The following RBFOX1 variants were observed in gnomAD, a reference collection of about 807,000 sequenced individuals.
RBFOX1 encodes the protein RNA binding protein fox-1 homolog 1.
RBFOX1 carries 8 observed loss-of-function variants against 57.7 expected under a neutral mutation model. That is an observed-to-expected ratio of 0.14 (90% CI 0.08 to 0.25). The LOEUF is 0.25. Ranked by LOEUF, RBFOX1 falls within the 10% of genes least tolerant of loss-of-function variation. RBFOX1 has a pLI of 1.00. For synonymous variants in RBFOX1, 326 were observed against 222.4 expected, an observed-to-expected ratio of 1.47 and a Z score of -4.15; for missense variants, 611 against 548.5, an observed-to-expected ratio of 1.11 and a Z score of -1.14.
intron 4 of RBFOX1, among the ~76,000 whole-genome samples, chr16:5,897,477 G>C (rs2058196126): frequency 6.6e-6 from 1 of 152,140 alleles, no homozygotes; most frequent in African/African-American, 2.4e-5. Context: ...AAACATATGA[G>C]TAGGATCAAT....
intron 4 of RBFOX1, among the ~76,000 whole-genome samples, chr16:7,259,574 A>AG (rs34417924): frequency 3.9e-5 from 6 of 151,974 alleles, no homozygotes; most frequent in African/African-American, 1.2e-4. Context: ...AAAAAAAAAA[A>AG]GGATTAAGAT....
intron 2 of RBFOX1, among the ~76,000 whole-genome samples, chr16:5,565,621 G>C (rs1182958543): frequency 2.4e-5 from 3 of 126,076 alleles, no homozygotes; most frequent in Non-Finnish European, 4.9e-5. Context: ...GCGAAACTCT[G>C]CCTTACATAA....
chr16:7,168,410 C>G (rs190889437), intron 4 of RBFOX1, among the ~76,000 whole-genome samples: 80 of 151,930 alleles, frequency 5.3e-4, no homozygotes, highest in African/African-American at 1.9e-3. Context: ...ACCTCAACAG[C>G]CACATTGTCC....
At chr16:7,046,037 A>G (rs2047817117) in intron 3 of RBFOX1, among the ~76,000 whole-genome samples, 1 of 152,212 alleles carries the variant, frequency 6.6e-6, no homozygotes, top group Non-Finnish European at 1.5e-5. Context: ...GTATTTCTGC[A>G]AGGTACTGAT....
At chr16:7,182,908 G>T (rs1046213684) in intron 4 of RBFOX1, among the ~76,000 whole-genome samples, 1 of 152,078 alleles carries the variant, frequency 6.6e-6, no homozygotes, top group Non-Finnish European at 1.5e-5. Flanking sequence ...ACAATTACAT[G>T]CCCTGGTCAT....
At chr16:5,863,022 G>A (rs906681466) in intron 3 of RBFOX1, among the ~76,000 whole-genome samples, 2 of 152,160 alleles carry the variant, frequency 1.3e-5, no homozygotes, top group African/African-American at 2.4e-5. Flanking sequence ...TCATGTGGCA[G>A]AATCCCTGCC....
chr16:7,181,223 G>C (rs957420469), intron 4 of RBFOX1, among the ~76,000 whole-genome samples: 1 of 152,084 alleles, frequency 6.6e-6, no homozygotes, highest in Non-Finnish European at 1.5e-5. Flanking sequence ...ATGTTAAATA[G>C]GGAAACTGCT....
chr16:7,701,727 G>T (rs1429548189), intron 14 of RBFOX1, among the ~76,000 whole-genome samples: 2 of 151,350 alleles, frequency 1.3e-5, no homozygotes, highest in Non-Finnish European at 3.0e-5. Context: ...TTAAAACTAG[G>T]AGAAGGCTAT....
At chr16:6,272,098 G>C (rs986291332) in intron 1 of RBFOX1, among the ~76,000 whole-genome samples, 1 of 152,064 alleles carries the variant, frequency 6.6e-6, no homozygotes, top group African/African-American at 2.4e-5. Context: ...TTTATACCTT[G>C]ATCACATAGG....
chr16:6,071,342 A>T (rs1398083269), intron 1 of RBFOX1, among the ~76,000 whole-genome samples: 1 of 152,202 alleles, frequency 6.6e-6, no homozygotes, highest in Non-Finnish European at 1.5e-5. Flanking sequence ...GGAAACAAAC[A>T]AAGAAACGGT....
chr16:7,156,054 T>G (rs911354771), intron 4 of RBFOX1, among the ~76,000 whole-genome samples: 6 of 151,912 alleles, frequency 3.9e-5, no homozygotes, highest in Non-Finnish European at 8.8e-5. Context: ...TAGGTATACA[T>G]GTAGATAGAG....
chr16:5,614,196 C>G (rs1373258303), intron 3 of RBFOX1, among the ~76,000 whole-genome samples: 1 of 152,096 alleles, frequency 6.6e-6, no homozygotes, highest in Non-Finnish European at 1.5e-5. Flanking sequence ...ACAGCCTGAG[C>G]CTGACATTTT....
chr16:7,178,445 TA>T (rs2082087161), intron 4 of RBFOX1, among the ~76,000 whole-genome samples: 1 of 152,212 alleles, frequency 6.6e-6, no homozygotes, highest in African/African-American at 2.4e-5. Context: ...TGGATATGGG[TA>T]AACACTAAAT....
intron 3 of RBFOX1, among the ~76,000 whole-genome samples, chr16:5,716,349 C>T (rs988048173): frequency 2.0e-5 from 3 of 152,160 alleles, no homozygotes; most frequent in African/African-American, 7.2e-5. Context: ...TGTTTCATCC[C>T]CCAGGCATTA....
chr16:7,535,756 T>A (rs1400240464), intron 5 of RBFOX1, among the ~76,000 whole-genome samples: 4 of 152,216 alleles, frequency 2.6e-5, no homozygotes, highest in Non-Finnish European at 1.5e-5. Flanking sequence ...ACATGAACAA[T>A]TTTACAACCA....
intron 4 of RBFOX1, among the ~76,000 whole-genome samples, chr16:7,227,063 A>C (rs1160422301): frequency 1.3e-5 from 2 of 152,076 alleles, no homozygotes; most frequent in African/African-American, 4.8e-5. Flanking sequence ...CATTTCCCCC[A>C]GCATTCTTAC....
chr16:7,216,128 C>G (rs1304349819), intron 4 of RBFOX1, among the ~76,000 whole-genome samples: 1 of 152,116 alleles, frequency 6.6e-6, no homozygotes, highest in Non-Finnish European at 1.5e-5. Context: ...AGATGCGTTG[C>G]CAGACAACAT....
intron 2 of RBFOX1, among the ~76,000 whole-genome samples, chr16:6,446,233 G>T (rs949825537): frequency 3.9e-5 from 6 of 152,042 alleles, no homozygotes; most frequent in Non-Finnish European, 8.8e-5. Context: ...AGAACTTCTG[G>T]GCCCAAGCAG....
At chr16:6,801,495 C>T (rs866684340) in intron 3 of RBFOX1, among the ~76,000 whole-genome samples, 1 of 152,048 alleles carries the variant, frequency 6.6e-6, no homozygotes, top group Non-Finnish European at 1.5e-5. Context: ...TTTATAGTGA[C>T]TCAATAAAAT....
Sources: allele counts gnomAD v4.1 joint callset (sites outside exome capture counted in the v4.1 genomes callset), GRCh38; gene constraint gnomAD v4.1.1; transcripts MANE v1.5; gene names NCBI Gene and HGNC (gene_info 2026-07-23, HGNC 2026-07-21).